Variants in LDAH observed in about 807,000 individuals in gnomAD.
The protein encoded by LDAH is lipid droplet-associated hydrolase.
LDAH carries 26 observed loss-of-function variants against 29.6 expected under a neutral mutation model. The observed-to-expected ratio is 0.88, with a 90% confidence interval of 0.64 to 1.22. The LOEUF is 1.22. Ranked by LOEUF, LDAH falls within the 50% of genes most tolerant of loss-of-function variation. LDAH has a pLI of 0.00. For synonymous variants in LDAH, 117 were observed against 133.0 expected (o/e 0.88, Z 0.83); for missense variants, 344 against 387.3 (o/e 0.89, Z 0.94).
intron 5 of LDAH, among the ~76,000 whole-genome samples, chr2:20,733,899 G>T (rs548110932): frequency 2.0e-5 from 3 of 152,106 alleles, no homozygotes; most frequent in African/African-American, 7.2e-5. Flanking sequence ...GAGTTGTTTA[G>T]AAGTGTGCGG....
chr2:20,821,157 C>T (rs1416376287), intron 1 of LDAH, among the ~76,000 whole-genome samples: 2 of 152,188 alleles, frequency 1.3e-5, no homozygotes, highest in Non-Finnish European at 2.9e-5. Flanking sequence ...AACACTTTTA[C>T]ACTGTTGGTG....
chr2:20,789,054 A>G (rs1255699052), intron 3 of LDAH: 1 of 1,428,974 alleles, frequency 7.0e-7, no homozygotes, highest in African/African-American at 1.4e-5. Flanking sequence ...ATCGCTATTA[A>G]ATCTTGCTCC....
chr2:20,788,635 C>T (rs758404104), intron 3 of LDAH, among the ~76,000 whole-genome samples: 3 of 152,058 alleles, frequency 2.0e-5, no homozygotes, highest in African/African-American at 7.2e-5. Flanking sequence ...GATGCTCATA[C>T]CACTAGAGAG....
At chr2:20,703,645 T>TC (rs1321169355) in intron 5 of LDAH, among the ~76,000 whole-genome samples, 2 of 152,192 alleles carry the variant, frequency 1.3e-5, no homozygotes, top group Non-Finnish European at 2.9e-5. Flanking sequence ...TACCTTTTTT[T>TC]CCCTCTTAAC....
intron 5 of LDAH, among the ~76,000 whole-genome samples, chr2:20,725,960 G>A (rs970137800): frequency 1.3e-5 from 2 of 152,204 alleles, no homozygotes; most frequent in African/African-American, 4.8e-5. Flanking sequence ...GCACTGTTGA[G>A]ATGTTATTTA....
At chr2:20,773,480 T>C (rs999158436) in intron 4 of LDAH, among the ~76,000 whole-genome samples, 6 of 151,962 alleles carry the variant, frequency 3.9e-5, no homozygotes, top group African/African-American at 1.5e-4. Flanking sequence ...ACAAAAGAGA[T>C]TAGAAGCTGT....
chr2:20,705,712 A>T (rs1017663679), intron 5 of LDAH, among the ~76,000 whole-genome samples: 1 of 152,258 alleles, frequency 6.6e-6, no homozygotes, highest in Admixed American at 6.5e-5. Context: ...TTTTCCTACT[A>T]TAAACATGTG....
intron 4 of LDAH, among the ~76,000 whole-genome samples, chr2:20,766,072 C>CT (rs545803356): frequency 0.012 from 1,654 of 143,700 alleles, 30 homozygotes; most frequent in East Asian, 0.042. Flanking sequence ...GGTTTTCAAA[C>CT]TTTTTTTTTT....
rs1333911251 is a variant in LDAH at position 20,698,012 on chromosome 2, T to C, written c.786+3558A>G. Among the ~76,000 whole-genome samples the C allele has an allele frequency of 2.0e-5, 3 of 152,262 alleles. No homozygotes were observed. The highest frequency in any genetic ancestry group is 6.5e-5 in the Admixed American group (1 of 15,292). ...TTATATCTCATTATCCAACAACTTC[T>C]TTCTTTTGTAATCTTGTGTATTTTA... is the stretch of plus-strand genomic sequence containing the variant. On this transcript the variant is annotated intron_variant, in intron 6 of 6. Transcript: ENST00000237822. The surrounding 1 kb of genome is among the most constrained non-coding windows in gnomAD (Gnocchi z 4.4).
chr2:20,822,329 A>G (rs340603), intron 1 of LDAH, among the ~76,000 whole-genome samples: 23,939 of 151,676 alleles, frequency 0.16, 4,680 homozygotes, highest in African/African-American at 0.47. Flanking sequence ...ATTTTTAGTA[A>G]AGATGGGGTT....
At chr2:20,792,698 G>A (rs185623750) in intron 2 of LDAH, among the ~76,000 whole-genome samples, 2 of 152,208 alleles carry the variant, frequency 1.3e-5, no homozygotes, top group Admixed American at 1.3e-4. Context: ...AAAAACTGGT[G>A]TAACATTAAG....
At position 20,698,522 on chromosome 2, in the gene LDAH, T is replaced by C. The variant is rs1397255660; in HGVS notation, c.786+3048A>G. 6.6e-6 allele frequency among the ~76,000 whole-genome samples: 1 copy of C among 151,984 alleles called. No individual in the cohort carries two copies. Among genetic ancestry groups the C allele is most frequent in the African/African-American group, 2.4e-5 (1 of 41,362 alleles). On this transcript the variant is annotated intron_variant, in intron 6 of 6. Transcript: ENST00000237822. The surrounding 1 kb of genome is among the most constrained non-coding windows in gnomAD (Gnocchi z 4.4). ...GACCAACATGGTGAAACCCTGTCTC[T>C]AGTAAAAATTAGCTGGGTATGGTGG...
At chr2:20,699,025 G>A (rs899034336) in intron 6 of LDAH, among the ~76,000 whole-genome samples, 17 of 152,176 alleles carry the variant, frequency 1.1e-4, no homozygotes, top group Admixed American at 5.2e-4. Context: ...GAAGTAGAAT[G>A]CTGTCTGCAT....
At chr2:20,733,696 G>A (rs554292750) in intron 5 of LDAH, among the ~76,000 whole-genome samples, 1 of 152,034 alleles carries the variant, frequency 6.6e-6, no homozygotes, top group Non-Finnish European at 1.5e-5. Context: ...GAGCCACAGT[G>A]CCTGGCCAAT....
intron 5 of LDAH, among the ~76,000 whole-genome samples, chr2:20,726,642 C>T (rs1263774697): frequency 6.6e-6 from 1 of 152,020 alleles, no homozygotes; most frequent in African/African-American, 2.4e-5. Flanking sequence ...AAAGTGAAAA[C>T]TAGACCTAAA....
intron 3 of LDAH, among the ~76,000 whole-genome samples, chr2:20,777,664 C>A (rs1669914981): frequency 6.6e-6 from 1 of 151,998 alleles, no homozygotes; most frequent in African/African-American, 2.4e-5. Flanking sequence ...CCCACCTCGG[C>A]CTCCTGAAGT....
chr2:20,805,063 T>C (rs1296366571), intron 1 of LDAH, among the ~76,000 whole-genome samples: 3 of 152,108 alleles, frequency 2.0e-5, no homozygotes, highest in African/African-American at 7.2e-5. Flanking sequence ...CCAAACTGAA[T>C]ACCTTCACCA....
chr2:20,705,705 T>G (rs955080394), intron 5 of LDAH, among the ~76,000 whole-genome samples: 1 of 152,248 alleles, frequency 6.6e-6, no homozygotes, highest in Non-Finnish European at 1.5e-5. Flanking sequence ...ACATAATTTT[T>G]CCTACTATAA....
At chr2:20,808,401 C>G (rs530968373) in intron 1 of LDAH, among the ~76,000 whole-genome samples, 1 of 151,990 alleles carries the variant, frequency 6.6e-6, no homozygotes, top group Non-Finnish European at 1.5e-5. Context: ...GTGGCTCACA[C>G]GCCTGTAATC....
Sources: gnomAD v4.1 joint callset for allele counts (sites outside exome capture counted in the v4.1 genomes callset) on GRCh38, gnomAD v4.1.1 for gene constraint, Gnocchi (gnomAD v3.1) non-coding constraint, MANE v1.5 for transcripts, NCBI Gene and HGNC (gene_info 2026-07-23, HGNC 2026-07-21) for gene names.